UNC13C: variants seen among roughly 807,000 people sequenced by gnomAD.
The protein encoded by UNC13C is unc-13 homolog C.
Under a neutral mutation model 245.4 loss-of-function variants are expected in UNC13C, and 174 were observed. That is an observed-to-expected ratio of 0.71 (90% CI 0.63 to 0.80). UNC13C has a LOEUF of 0.80. Among genes scored for constraint, UNC13C ranks in the 30% least tolerant of loss-of-function variants. The pLI, the probability that UNC13C is intolerant of heterozygous loss-of-function variation, is 0.00. For synonymous variants in UNC13C, 992 were observed against 895.1 expected (o/e 1.11, Z -1.93); for missense variants, 2,829 against 2,602.9 (o/e 1.09, Z -1.89).
At chr15:53,959,511 G>C in the UNC13C span, among the ~76,000 whole-genome samples, 1 of 151,914 alleles carries the variant, frequency 6.6e-6, no homozygotes, top group Non-Finnish European at 1.5e-5. Flanking sequence ...TCTTATCCTT[G>C]TTCATGCTCG....
At chr15:54,067,075 G>T (rs1177879636) in intron 2 of UNC13C, among the ~76,000 whole-genome samples, 1 of 151,986 alleles carries the variant, frequency 6.6e-6, no homozygotes, top group African/African-American at 2.4e-5. Context: ...TAATGTAAAT[G>T]AGTTTCTTAG....
intron 2 of UNC13C, among the ~76,000 whole-genome samples, chr15:54,081,857 T>C (rs11853343): frequency 0.88 from 133,144 of 152,082 alleles, 59,273 homozygotes; most frequent in Non-Finnish European, 0.97. Flanking sequence ...CTTTGTACAA[T>C]TGTGTAGCTG....
At chr15:54,117,385 C>T (rs1182809605) in intron 2 of UNC13C, among the ~76,000 whole-genome samples, 2 of 152,012 alleles carry the variant, frequency 1.3e-5, no homozygotes, top group Non-Finnish European at 2.9e-5. Flanking sequence ...CCAATATTAT[C>T]TTCTAGTAGT....
At chr15:54,504,599 T>C (rs887661609) in intron 22 of UNC13C, among the ~76,000 whole-genome samples, 1 of 152,192 alleles carries the variant, frequency 6.6e-6, no homozygotes, top group Non-Finnish European at 1.5e-5. Flanking sequence ...AACCTAGGCA[T>C]TTATGGTGAC....
chr15:54,496,716 A>C (rs1265421002), intron 20 of UNC13C, among the ~76,000 whole-genome samples: 1 of 152,208 alleles, frequency 6.6e-6, no homozygotes, highest in African/African-American at 2.4e-5. Flanking sequence ...TAACTCAGGA[A>C]TGGAAAACCA....
intron 24 of UNC13C, among the ~76,000 whole-genome samples, chr15:54,515,600 G>T (rs1029169939): frequency 1.3e-5 from 2 of 152,070 alleles, no homozygotes; most frequent in African/African-American, 2.4e-5. Flanking sequence ...AAACTCTAAA[G>T]AACTTGTGTT....
chr15:54,015,137 ATTCT>A lies in UNC13C; in HGVS notation c.2235_2238del (p.Asn745LysfsTer13). The A allele has an allele frequency of 2.5e-6, 4 of 1,612,558 alleles. No individual in the cohort carries two copies. Among genetic ancestry groups the A allele is most frequent in the Non-Finnish European group, 3.4e-6 (4 of 1,179,294 alleles). ...CAATATGATTCTTATCAGGGAGCTA[ATTCT>A]AATGAGCTATACCAAAATCAAAACC... is the stretch of plus-strand genomic sequence containing the variant. On this transcript the variant is annotated frameshift_variant, in exon 2 of 33. Coordinates refer to ENST00000260323, the MANE Select transcript of UNC13C (RefSeq NM_001080534.3). LOFTEE classifies it high-confidence loss of function.
chr15:53,875,492 T>A, the UNC13C span, among the ~76,000 whole-genome samples: 1 of 152,100 alleles, frequency 6.6e-6, no homozygotes, highest in Non-Finnish European at 1.5e-5. Flanking sequence ...AGGTTGCTGG[T>A]AAGGTGATTT....
chr15:54,321,582 A>G (rs1306337446), intron 13 of UNC13C: 2 of 375,916 alleles, frequency 5.3e-6, no homozygotes, highest in Non-Finnish European at 5.1e-6. Context: ...CACCCCTCAG[A>G]CTCACATTAA....
At chr15:53,920,661 A>G in the UNC13C span, among the ~76,000 whole-genome samples, 1 of 152,030 alleles carries the variant, frequency 6.6e-6, no homozygotes, top group East Asian at 1.9e-4. Flanking sequence ...AAGAATAAAG[A>G]TGTAGCATTT....
Position 54,626,925 on chromosome 15 carries a change from G to GTCAT in UNC13C, c.6461_6464dup (p.Gln2155HisfsTer26), listed in dbSNP as rs1901200687. ...AGAAGATCGAATTATCGGAATGACAGTCATTCAGCTACAGAACATAGCAGA... is the reference window on the plus strand; with the variant it reads ...AGAAGATCGAATTATCGGAATGACAGTCATTCATTCAGCTACAGAACATAGCAGA... On this transcript the variant is annotated frameshift_variant, in exon 33 of 33. Transcript: ENST00000260323. LOFTEE classifies it high-confidence loss of function. The GTCAT allele has an allele frequency of 4.3e-6, 7 of 1,613,334 alleles. No homozygotes were observed. Among genetic ancestry groups the GTCAT allele is most frequent in the Non-Finnish European group, 5.9e-6 (7 of 1,179,602 alleles).
At chr15:54,197,671 A>T (rs1485578937) in intron 4 of UNC13C, among the ~76,000 whole-genome samples, 1 of 152,116 alleles carries the variant, frequency 6.6e-6, no homozygotes, top group Non-Finnish European at 1.5e-5. Flanking sequence ...AAAATAAAGC[A>T]TCTGGGGGAC....
chr15:53,991,373 T>C (rs1894379891), intron 1 of UNC13C, among the ~76,000 whole-genome samples: 1 of 152,026 alleles, frequency 6.6e-6, no homozygotes, highest in Non-Finnish European at 1.5e-5. Context: ...TCAAAAATCA[T>C]GTCGATTCTA....
chr15:54,528,718 C>T (rs1408451132), intron 25 of UNC13C, among the ~76,000 whole-genome samples: 3 of 151,822 alleles, frequency 2.0e-5, no homozygotes, highest in East Asian at 1.9e-4. Flanking sequence ...TGCACTGATT[C>T]GAAAATCAGT....
chr15:54,036,271 G>A (rs1365136322), intron 2 of UNC13C, among the ~76,000 whole-genome samples: 2 of 152,172 alleles, frequency 1.3e-5, no homozygotes, highest in Non-Finnish European at 2.9e-5. Flanking sequence ...TTCAACTTGA[G>A]GTGCGACTGA....
intron 18 of UNC13C, among the ~76,000 whole-genome samples, chr15:54,408,863 G>T (rs984754358): frequency 6.6e-6 from 1 of 152,046 alleles, no homozygotes; most frequent in Non-Finnish European, 1.5e-5. Context: ...ACCTAATACT[G>T]CCTGAGAGAC....
chr15:54,321,718 G>T (rs952725274), intron 13 of UNC13C, among the ~76,000 whole-genome samples: 2 of 151,874 alleles, frequency 1.3e-5, no homozygotes, highest in African/African-American at 4.8e-5. Context: ...CAGCGTCCAT[G>T]GGCAAAAAGG....
the UNC13C span, among the ~76,000 whole-genome samples, chr15:53,923,752 T>C: frequency 6.6e-6 from 1 of 152,074 alleles, no homozygotes; most frequent in Non-Finnish European, 1.5e-5. Flanking sequence ...TTAAGAATCA[T>C]CTCTGTTTGT....
chr15:54,106,645 T>A (rs1900462361), intron 2 of UNC13C, among the ~76,000 whole-genome samples: 1 of 152,232 alleles, frequency 6.6e-6, no homozygotes, highest in Admixed American at 6.5e-5. Flanking sequence ...CCATCTCTTC[T>A]TATCATTTCC....
Sources: allele counts gnomAD v4.1 joint callset (sites outside exome capture counted in the v4.1 genomes callset), GRCh38; gene constraint gnomAD v4.1.1; transcripts MANE v1.5; gene names NCBI Gene and HGNC (gene_info 2026-07-23, HGNC 2026-07-21).